The following BTBD9 variants were observed in gnomAD, a reference collection of about 807,000 sequenced individuals.
BTBD9 encodes BTB/POZ domain-containing protein 9.
In BTBD9, 49 loss-of-function variants were observed where a neutral mutation model predicts 64.3. The observed-to-expected ratio is 0.76, with a 90% CI of 0.61 to 0.97. The LOEUF is 0.97. BTBD9 is among the 50% of genes least tolerant of loss of function. The pLI is 0.00. For missense variants in BTBD9, 598 were observed against 762.1 expected (o/e 0.78, Z 2.53); for synonymous variants, 260 against 274.7 (o/e 0.95, Z 0.53).
intron 6 of BTBD9, among the ~76,000 whole-genome samples, chr6:38,439,761 A>G (rs1263477609): frequency 6.6e-6 from 1 of 152,064 alleles, no homozygotes; most frequent in Non-Finnish European, 1.5e-5. Flanking sequence ...TTCAATTTTA[A>G]CAGCTCACTG....
intron 4 of BTBD9, chr6:38,587,772 T>C (rs910304307): frequency 5.7e-6 from 4 of 705,420 alleles, no homozygotes; most frequent in Non-Finnish European, 1.1e-5. Context: ...AAGAAAAGCC[T>C]GCTTCTTCGG....
intron 6 of BTBD9, among the ~76,000 whole-genome samples, chr6:38,552,289 G>A (rs997707497): frequency 9.2e-5 from 14 of 152,182 alleles, no homozygotes; most frequent in African/African-American, 3.4e-4. Flanking sequence ...TGCAAAGAGA[G>A]AACAAGAATG....
intron 7 of BTBD9, among the ~76,000 whole-genome samples, chr6:38,339,169 T>C (rs760592824): frequency 3.3e-5 from 5 of 152,186 alleles, no homozygotes; most frequent in Admixed American, 1.3e-4. Flanking sequence ...CACAAGGCAA[T>C]AGCACTATTT....
chr6:38,459,007 C>A (rs1001859057), intron 6 of BTBD9, among the ~76,000 whole-genome samples: 3 of 151,992 alleles, frequency 2.0e-5, no homozygotes, highest in African/African-American at 7.2e-5. Flanking sequence ...TCTGACCATG[C>A]TTTTATTTTT....
At chr6:38,210,540 G>GTGTGTGTGTT (rs1412350315) in intron 9 of BTBD9, among the ~76,000 whole-genome samples, 18 of 19,598 alleles carry the variant, frequency 9.2e-4, no homozygotes, top group African/African-American at 1.4e-3. Context: ...GTGTGTTTGT[G>GTGTGTGTGTT]TGTGTGTGTG....
chr6:38,582,341 G>A (rs963468843), intron 4 of BTBD9, among the ~76,000 whole-genome samples: 16 of 152,160 alleles, frequency 1.1e-4, no homozygotes, highest in African/African-American at 2.9e-4. Flanking sequence ...ACTGTCCTAA[G>A]CACTTTGCAA....
At chr6:38,480,363 TC>T (rs954467777) in intron 6 of BTBD9, among the ~76,000 whole-genome samples, 2 of 152,140 alleles carry the variant, frequency 1.3e-5, no homozygotes, top group Non-Finnish European at 2.9e-5. Context: ...AAACAGTAGC[TC>T]ATCTCTGCCA....
At chr6:38,265,169 T>C (rs965911808) in intron 8 of BTBD9, among the ~76,000 whole-genome samples, 2 of 152,052 alleles carry the variant, frequency 1.3e-5, no homozygotes, top group East Asian at 1.9e-4. Context: ...GTGGCATATG[T>C]AGTTTCTGTG....
chr6:38,635,750 A>G lies in BTBD9; in HGVS notation c.-28+4050T>C, dbSNP rs1355380018. Among the ~76,000 whole-genome samples, 2 of 152,168 alleles carry G rather than the reference A, an allele frequency of 1.3e-5. 1 individual carries two copies. The highest frequency in any genetic ancestry group is 4.8e-5 in the African/African-American group (2 of 41,444). On this transcript the variant is annotated intron_variant, in intron 1 of 10. Transcript: ENST00000481247. ...CTGGGACTTCCTAGCCTCCAGAACT[A>G]TCAGGAAATAAATTTCTGTTCTTTA...
intron 9 of BTBD9, among the ~76,000 whole-genome samples, chr6:38,231,773 C>T (rs1350203929): frequency 6.6e-6 from 1 of 152,230 alleles, no homozygotes; most frequent in Non-Finnish European, 1.5e-5. Flanking sequence ...GGGAGAAAGA[C>T]AGGACCAAAT....
intron 6 of BTBD9, among the ~76,000 whole-genome samples, chr6:38,469,192 T>C (rs1247979154): frequency 1.3e-5 from 2 of 152,158 alleles, no homozygotes; most frequent in African/African-American, 4.8e-5. Context: ...TTTCACTGAC[T>C]TTCAATAGTG....
At chr6:38,351,504 G>GTTT (rs79539406) in intron 6 of BTBD9, among the ~76,000 whole-genome samples, 18,642 of 94,878 alleles carry the variant, frequency 0.2, 2,797 homozygotes, top group East Asian at 0.32. Flanking sequence ...TTTAATTGTT[G>GTTT]TTGTTTTTTT....
chr6:38,612,231 T>C (rs1201210333), intron 1 of BTBD9, among the ~76,000 whole-genome samples: 1 of 152,216 alleles, frequency 6.6e-6, no homozygotes, highest in African/African-American at 2.4e-5. Flanking sequence ...AAAGCAAGTG[T>C]ATAAGAATGG....
chr6:38,476,883 A>G (rs1770908378), intron 6 of BTBD9, among the ~76,000 whole-genome samples: 1 of 152,264 alleles, frequency 6.6e-6, no homozygotes, highest in Admixed American at 6.5e-5. Context: ...ATCATAGGAA[A>G]ATGTTATTAC....
At chr6:38,180,982 G>C (rs938081172) in intron 10 of BTBD9, among the ~76,000 whole-genome samples, 5 of 152,144 alleles carry the variant, frequency 3.3e-5, no homozygotes, top group African/African-American at 1.2e-4. Flanking sequence ...AGATAGGCTG[G>C]GTGTTCTTTT....
chr6:38,296,621 T>C (rs1238449334), intron 7 of BTBD9, among the ~76,000 whole-genome samples: 1 of 152,196 alleles, frequency 6.6e-6, no homozygotes, highest in Non-Finnish European at 1.5e-5. Flanking sequence ...TTACAATTTT[T>C]TGATATTTAG....
intron 6 of BTBD9, among the ~76,000 whole-genome samples, chr6:38,392,490 T>TGC (rs1396360129): frequency 6.6e-5 from 10 of 152,066 alleles, no homozygotes; most frequent in African/African-American, 2.4e-4. Flanking sequence ...GAAAAGGGGG[T>TGC]GCTACCCAAT....
chr6:38,348,009 A>C (rs922980178), intron 6 of BTBD9, among the ~76,000 whole-genome samples: 2 of 152,102 alleles, frequency 1.3e-5, no homozygotes, highest in Admixed American at 1.3e-4. Context: ...AACAAACCAC[A>C]ACAACAAAAA....
chr6:38,384,084 C>A (rs1162797549), intron 6 of BTBD9, among the ~76,000 whole-genome samples: 1 of 152,142 alleles, frequency 6.6e-6, no homozygotes, highest in African/African-American at 2.4e-5. Context: ...AATGGTAGCA[C>A]ATAAGGCACA....
Sources: allele counts gnomAD v4.1 joint callset (sites outside exome capture counted in the v4.1 genomes callset), GRCh38; gene constraint gnomAD v4.1.1; transcripts MANE v1.5; gene names NCBI Gene and HGNC (gene_info 2026-07-23, HGNC 2026-07-21).